The following WDR70 variants were observed in gnomAD, a reference collection of about 807,000 sequenced individuals.
WDR70 encodes the protein WD repeat domain 70, also known as WD repeat-containing protein 70.
WDR70 carries 53 observed loss-of-function variants against 88.6 expected under a neutral mutation model. The ratio of observed to expected loss-of-function variants is 0.60; its 90% CI spans 0.48 to 0.75. WDR70 has a LOEUF of 0.75. Among genes scored for constraint, WDR70 ranks in the 30% least tolerant of loss-of-function variants. The probability of loss-of-function intolerance (pLI) is 0.00; values close to 1 mark genes in which losing one functional copy is unlikely to be tolerated. For synonymous variants in WDR70, 280 were observed against 270.0 expected, an observed-to-expected ratio of 1.04 and a Z score of -0.36; for missense variants, 610 against 823.2, an observed-to-expected ratio of 0.74 and a Z score of 3.17.
At chr5:37,652,038 A>G (rs1446619082) in intron 10 of WDR70, among the ~76,000 whole-genome samples, 2 of 152,128 alleles carry the variant, frequency 1.3e-5, no homozygotes, top group African/African-American at 2.4e-5. Context: ...CCTGAATGGT[A>G]TTGCTTAAGT....
At position 37,610,121 on chromosome 5, in the gene WDR70, CT is replaced by C. The variant is rs371755046; in HGVS notation, c.1092+4884del. On this transcript the variant is annotated intron_variant, in intron 10 of 17. Coordinates refer to ENST00000265107, the MANE Select transcript of WDR70 (RefSeq NM_018034.4). The stretch of plus-strand genomic sequence containing the variant: ...GTCTCTACTAAAAATACAAAATTAG[CT>C]GGGCGTGGTGGCAGGCACCTGTAGT... Among the ~76,000 whole-genome samples, 285 of 152,184 alleles carry C rather than the reference CT, an allele frequency of 1.9e-3. 1 individual carries two copies. Among genetic ancestry groups the C allele is most frequent in the African/African-American group, 6.6e-3 (276 of 41,536 alleles).
rs371780527 is a variant in WDR70, at chr5:37,707,846, A to C, written c.1416+4759A>C. On this transcript the variant is annotated intron_variant, in intron 13 of 17. Transcript: ENST00000265107. ...GGAGAATAGCTTGAACCTGGGAGGC[A>C]GAGGTTGCGGTGAGCTGAGATGGCG... is the stretch of plus-strand genomic sequence containing the variant. 1.4e-4 allele frequency among the ~76,000 whole-genome samples: 20 copies of C among 145,896 alleles called. No individual in the cohort carries two copies. The East Asian group carries it at 2.4e-3, about 17-fold the overall frequency.
At chr5:37,450,281 T>G (rs943384656) in intron 7 of WDR70, among the ~76,000 whole-genome samples, 1 of 152,202 alleles carries the variant, frequency 6.6e-6, no homozygotes, top group African/African-American at 2.4e-5. Context: ...GATTGCTGGG[T>G]CAGATGGTAT....
chr5:37,510,672 C>G (rs538201063), intron 8 of WDR70, among the ~76,000 whole-genome samples: 13 of 152,288 alleles, frequency 8.5e-5, no homozygotes, highest in Non-Finnish European at 1.5e-4. Flanking sequence ...CACTGATTAT[C>G]TCAACAATCT....
chr5:37,389,792 T>G (rs1461403124), intron 3 of WDR70, among the ~76,000 whole-genome samples: 1 of 152,126 alleles, frequency 6.6e-6, no homozygotes, highest in African/African-American at 2.4e-5. Flanking sequence ...TGTTGACTCT[T>G]GACCCGCCTC....
At chr5:37,689,653 G>A (rs1305499826) in intron 10 of WDR70, among the ~76,000 whole-genome samples, 1 of 152,102 alleles carries the variant, frequency 6.6e-6, no homozygotes, top group African/African-American at 2.4e-5. Context: ...AAACAGAAAG[G>A]AATAGCATCA....
At chr5:37,664,474 T>TA (rs1406000534) in intron 10 of WDR70, among the ~76,000 whole-genome samples, 1 of 152,210 alleles carries the variant, frequency 6.6e-6, no homozygotes, top group Non-Finnish European at 1.5e-5. Flanking sequence ...CTTGTATCCC[T>TA]AGAGATCTCC....
intron 13 of WDR70, among the ~76,000 whole-genome samples, chr5:37,706,079 A>G (rs924900607): frequency 3.9e-5 from 6 of 152,244 alleles, no homozygotes. Context: ...TCACAAAAAC[A>G]TAGCTTCTTA....
chr5:37,692,066 T>A (rs1021893708), intron 10 of WDR70, among the ~76,000 whole-genome samples: 1 of 151,956 alleles, frequency 6.6e-6, no homozygotes, highest in African/African-American at 2.4e-5. Context: ...CATCAAAGAA[T>A]ACTATAAACA....
intron 10 of WDR70, among the ~76,000 whole-genome samples, chr5:37,694,390 C>T (rs992999830): frequency 3.9e-5 from 6 of 152,170 alleles, no homozygotes; most frequent in African/African-American, 7.2e-5. Flanking sequence ...TATAGAGACA[C>T]GTGCTCACGT....
intron 10 of WDR70, among the ~76,000 whole-genome samples, chr5:37,671,372 T>G (rs1177152288): frequency 6.6e-6 from 1 of 152,132 alleles, no homozygotes; most frequent in African/African-American, 2.4e-5. Flanking sequence ...GACAGGGAAA[T>G]AGCAGATTAA....
chr5:37,449,611 T>TA (rs57161626), intron 7 of WDR70, among the ~76,000 whole-genome samples: 3 of 54,044 alleles, frequency 5.6e-5, no homozygotes, highest in African/African-American at 1.4e-4. Context: ...AAATAAAAAA[T>TA]AAAAAATAAA....
At chr5:37,438,008 T>C (rs369510465) in intron 6 of WDR70, 27 bp downstream of exon 6, 118 of 1,586,468 alleles carry the variant, frequency 7.4e-5, no homozygotes, top group Non-Finnish European at 1.0e-4. Flanking sequence ...AGTTTTTTCC[T>C]CTCTCAAATT....
At chr5:37,710,461 C>T (rs776583869) in intron 13 of WDR70, among the ~76,000 whole-genome samples, 4 of 152,106 alleles carry the variant, frequency 2.6e-5, no homozygotes, top group Non-Finnish European at 4.4e-5. Context: ...AATCAGCGGT[C>T]CCCAACTTTT....
At chr5:37,502,087 T>C (rs1356218242) in intron 8 of WDR70, among the ~76,000 whole-genome samples, 1 of 152,214 alleles carries the variant, frequency 6.6e-6, no homozygotes, top group Non-Finnish European at 1.5e-5. Flanking sequence ...TTTACATTTG[T>C]TTGTGTCATT....
At chr5:37,388,280 C>T (rs1748690267) in intron 3 of WDR70, among the ~76,000 whole-genome samples, 1 of 151,688 alleles carries the variant, frequency 6.6e-6, no homozygotes. Flanking sequence ...CCATGCCCGG[C>T]TAATTTTTTG....
At position 37,455,636 on chromosome 5, in the gene WDR70, C is replaced by CTTTTTTTTTTTTTTTTTTTT. The variant is rs59254502; in HGVS notation, c.686+12283_686+12284insTTTTTTTTTTTTTTTTTTTT. On this transcript the variant is annotated intron_variant, in intron 7 of 17. Transcript: ENST00000265107. The stretch of plus-strand genomic sequence containing the variant: ...TTCTCTCGGGTCCAGTTCTCTTTAT[C>CTTTTTTTTTTTTTTTTTTTT]TTTTTTTTTTTTTTTTTTTGCCACA... 1.7e-4 allele frequency among the ~76,000 whole-genome samples: 12 copies of CTTTTTTTTTTTTTTTTTTTT among 70,434 alleles called. 1 individual carries two copies. Among genetic ancestry groups the CTTTTTTTTTTTTTTTTTTTT allele is most frequent in the African/African-American group, 4.2e-4 (9 of 21,592 alleles). The allele number at this position is 70,434 out of a possible 152,430, so 46.2% of individuals were successfully genotyped here.
intron 9 of WDR70, among the ~76,000 whole-genome samples, chr5:37,532,692 T>C (rs916680288): frequency 1.3e-5 from 2 of 152,162 alleles, no homozygotes; most frequent in Non-Finnish European, 2.9e-5. Context: ...TTTCTTTAAG[T>C]TGAAATTCAC....
chr5:37,432,868 CT>C (rs1561850267), intron 5 of WDR70, among the ~76,000 whole-genome samples: 31 of 152,066 alleles, frequency 2.0e-4, no homozygotes, highest in African/African-American at 7.5e-4. Flanking sequence ...CGGCCTTTTG[CT>C]CATTTTAAAA....
Sources: allele counts gnomAD v4.1 joint callset (sites outside exome capture counted in the v4.1 genomes callset), GRCh38; gene constraint gnomAD v4.1.1; transcripts MANE v1.5; gene names NCBI Gene and HGNC (gene_info 2026-07-23, HGNC 2026-07-21).